USP4: variants seen among roughly 807,000 people sequenced by gnomAD.
The protein encoded by USP4 is ubiquitin carboxyl-terminal hydrolase 4.
Under a neutral mutation model 118.2 loss-of-function variants are expected in USP4, and 72 were observed. That is an observed-to-expected ratio of 0.61 (90% confidence interval 0.50 to 0.74). USP4 has a LOEUF of 0.74. Ranked by LOEUF, USP4 falls within the 30% of genes least tolerant of loss-of-function variation. USP4 has a pLI of 0.00. For missense variants in USP4, 1,037 were observed against 1,185.7 expected (o/e 0.87, Z 1.84); for synonymous variants, 415 against 440.4 (o/e 0.94, Z 0.72).
chr3:49,287,962 A>C (rs2047114444), intron 15 of USP4, among the ~76,000 whole-genome samples: 1 of 152,194 alleles, frequency 6.6e-6, no homozygotes, highest in African/African-American at 2.4e-5. Flanking sequence ...ACTTTAGCAA[A>C]GATGGGGACC....
chr3:49,305,633 A>G (rs1221761445), intron 9 of USP4, 82 bp downstream of exon 9: 1 of 1,338,564 alleles, frequency 7.5e-7, no homozygotes, highest in East Asian at 2.5e-5. Context: ...AAATCCTAAA[A>G]AACCTGAAGT....
At chr3:49,309,941 A>ATATTTTTTTTTTTTTTTT (rs2047365541) in intron 8 of USP4, among the ~76,000 whole-genome samples, 1 of 15,402 alleles carries the variant, frequency 6.5e-5, no homozygotes, top group African/African-American at 3.1e-4. Flanking sequence ...CTTTTTTTTA[A>ATATTTTTTTTTTTTTTTT]TCTTTTTTTT....
intron 6 of USP4, among the ~76,000 whole-genome samples, chr3:49,323,271 TAAAAAAAAA>T (rs1173500243): frequency 4.9e-5 from 5 of 101,220 alleles, no homozygotes; most frequent in Admixed American, 2.2e-4. Flanking sequence ...CTGGCCTTTT[TAAAAAAAAA>T]AAAAAAAAAA....
In USP4 at chr3:49,284,094, C is replaced by CT. The variant is rs2047068627; in HGVS notation, c.2432dup (p.Phe812ValfsTer2). 1 of 1,614,106 alleles carries CT rather than the reference C, an allele frequency of 6.2e-7. No homozygotes were observed. Among genetic ancestry groups the CT allele is most frequent in the Non-Finnish European group, 8.5e-7 (1 of 1,180,062 alleles). ...TCTTGGGCAAGGACCATAGGTCAAACTTTTTTGTGGCCTGTTGATGCTTCT... is the reference window on the plus strand; with the variant it reads ...TCTTGGGCAAGGACCATAGGTCAAACTTTTTTTGTGGCCTGTTGATGCTTCT... On this transcript the variant is annotated frameshift_variant, in exon 19 of 22. Transcript: ENST00000265560. LOFTEE classifies it high-confidence loss of function.
chr3:49,339,151 AC>A (rs1450364196), intron 1 of USP4, among the ~76,000 whole-genome samples: 1 of 152,190 alleles, frequency 6.6e-6, no homozygotes, highest in African/African-American at 2.4e-5. Context: ...CCATCTCAAA[AC>A]AAAACAAAAC....
intron 15 of USP4, among the ~76,000 whole-genome samples, chr3:49,287,988 G>A (rs900623139): frequency 1.3e-5 from 2 of 152,164 alleles, no homozygotes; most frequent in African/African-American, 4.8e-5. Flanking sequence ...AAAAGGTGGT[G>A]TAAAAGTAAC....
intron 3 of USP4, among the ~76,000 whole-genome samples, chr3:49,326,530 G>A (rs547166134): frequency 6.6e-6 from 1 of 151,726 alleles, no homozygotes; most frequent in African/African-American, 2.4e-5. Flanking sequence ...CCGAGTAGCT[G>A]GGACTACAGG....
chr3:49,284,777 G>C, intron 17 of USP4, 72 bp downstream of exon 17: 1 of 1,446,244 alleles, frequency 6.9e-7, no homozygotes, highest in Non-Finnish European at 9.7e-7. Flanking sequence ...TCCAACTGGT[G>C]AAAGTGATCG....
rs2107760659 is a variant in USP4, at chr3:49,278,368, A to T, written c.2817T>A (p.Ser939=). 1 of 1,614,166 alleles carries T rather than the reference A, an allele frequency of 6.2e-7. No homozygotes were observed. The highest frequency in any genetic ancestry group is 2.2e-5 in the East Asian group (1 of 44,880). Residue 939 remains serine (S), a synonymous_variant, in exon 22 of 22, where the codon TCT becomes TCA. Coordinates refer to ENST00000265560, the MANE Select transcript of USP4 (RefSeq NM_003363.4). ...KTPSLSSSGS[S]DGGTRPSSSQ... is the part of the protein sequence containing the mutation. ...AGCTGCTTGGTCGTGTCCCTCCATC[A>T]GAGGAACCAGAACTGCTAAGTGAAG...
At chr3:49,306,048 G>A (rs142303931) in intron 8 of USP4, among the ~76,000 whole-genome samples, 160 bp from the exon 9 acceptor site, 76 of 152,128 alleles carry the variant, frequency 5.0e-4, no homozygotes, top group African/African-American at 1.6e-3. Flanking sequence ...GCCTCAAGGA[G>A]GCCAAGCTGC....
intron 13 of USP4, 90 bp from the exon 14 acceptor site, chr3:49,294,688 T>C (rs1359886355): frequency 7.9e-7 from 1 of 1,271,272 alleles, no homozygotes; most frequent in Non-Finnish European, 1.1e-6. Flanking sequence ...GCCAGGGCTA[T>C]GATTACTGGG....
intron 6 of USP4, among the ~76,000 whole-genome samples, chr3:49,321,995 T>TAACAAAAC (rs1317016942): frequency 6.6e-6 from 1 of 151,584 alleles, no homozygotes; most frequent in Non-Finnish European, 1.5e-5. Flanking sequence ...CTCCGTCTAT[T>TAACAAAAC]AAAAAAACAA....
intron 15 of USP4, among the ~76,000 whole-genome samples, chr3:49,288,468 A>C (rs1383370986): frequency 1.3e-5 from 2 of 152,120 alleles, no homozygotes. Context: ...TGAGGTCAGG[A>C]GTTTAAGACC....
At chr3:49,303,070 C>T (rs2047276974) in intron 9 of USP4, among the ~76,000 whole-genome samples, 1 of 152,102 alleles carries the variant, frequency 6.6e-6, no homozygotes, top group South Asian at 2.1e-4. Context: ...CCACACCAAA[C>T]CTATTCAATC....
At chr3:49,338,535 G>T (rs2047695887) in intron 1 of USP4, among the ~76,000 whole-genome samples, 1 of 151,730 alleles carries the variant, frequency 6.6e-6, no homozygotes, top group Non-Finnish European at 1.5e-5. Flanking sequence ...GGTGGCGCAT[G>T]CCTGTAATCC....
Position 49,339,972 on chromosome 3 carries a change from G to A in USP4, c.53C>T (p.Ser18Phe). ...GGTCCTCATTAAGGGTCCAAGCTCG[G>A]ACTTCTGAGTCTCCGCATCCGGTCG... Reference protein sequence around the residue: ...RERPDAETQKSELGPLMRTTL... With the variant: ...RERPDAETQKFELGPLMRTTL... The change falls in exon 1 of 22, where the codon TCC becomes TTC. Residue 18 changes from serine (S) to phenylalanine (F), a missense_variant. By Grantham distance (155) the Ser-to-Phe change is radical (BLOSUM62 -2). Around this residue, in one of 3 missense-constraint regions of USP4, gnomAD observed 487 missense variants for 534.1 expected, o/e 0.91. Coordinates refer to ENST00000265560, the MANE Select transcript of USP4 (RefSeq NM_003363.4). 1 of 1,612,738 alleles carries A rather than the reference G, an allele frequency of 6.2e-7. No homozygotes were observed. The highest frequency in any genetic ancestry group is 1.1e-5 in the South Asian group (1 of 91,088).
At chr3:49,287,707 A>C (rs1013224729) in intron 15 of USP4, among the ~76,000 whole-genome samples, 2 of 152,116 alleles carry the variant, frequency 1.3e-5, no homozygotes, top group South Asian at 4.1e-4. Flanking sequence ...TCCAGCCCTA[A>C]AGTGATCTGC....
Position 49,300,108 on chromosome 3 carries a change from G to A in USP4, c.1512+359C>T, listed in dbSNP as rs147968671. Among the ~76,000 whole-genome samples, 66 of 152,212 alleles carry A rather than the reference G, an allele frequency of 4.3e-4. 1 individual carries two copies. In the East Asian group the frequency reaches 8.5e-3, roughly 20 times the overall value. On this transcript the variant is annotated intron_variant, in intron 11 of 21. Transcript: ENST00000265560. ...CTAAAAATACAAAAATTAGCTGAGC[G>A]TGGTGGTACACGCCTGTAATCCCGG...
At chr3:49,281,312 T>C (rs2107763071) in intron 19 of USP4, among the ~76,000 whole-genome samples, 2 of 151,536 alleles carry the variant, frequency 1.3e-5, no homozygotes, top group Middle Eastern at 3.4e-3. Flanking sequence ...AAAAATTAGC[T>C]GGGCGTGGTG....
Sources: allele counts gnomAD v4.1 joint callset (sites outside exome capture counted in the v4.1 genomes callset), GRCh38; gene constraint gnomAD v4.1.1; regional missense constraint gnomAD v4.1.1; transcripts MANE v1.5; gene names NCBI Gene and HGNC (gene_info 2026-07-23, HGNC 2026-07-21).